MAST4: variants seen among roughly 807,000 people sequenced by gnomAD.
MAST4 encodes microtubule-associated serine/threonine-protein kinase 4.
MAST4 carries 89 observed loss-of-function variants against 162.7 expected under a neutral mutation model. The ratio of observed to expected loss-of-function variants is 0.55; its 90% confidence interval spans 0.46 to 0.65. The LOEUF (loss-of-function observed/expected upper bound fraction) is 0.65, where lower values mean the gene tolerates loss of function less well. Among genes scored for constraint, MAST4 ranks in the 30% least tolerant of loss-of-function variants. The pLI, the probability that MAST4 is intolerant of heterozygous loss-of-function variation, is 0.00. For missense variants in MAST4, 3,153 were observed against 3,374.0 expected (o/e 0.93, Z 1.62); for synonymous variants, 1,479 against 1,361.1 (o/e 1.09, Z -1.91).
At chr5:67,117,304 TC>T (rs1190860884) in intron 12 of MAST4, among the ~76,000 whole-genome samples, 1 of 152,182 alleles carries the variant, frequency 6.6e-6, no homozygotes, top group Non-Finnish European at 1.5e-5. Flanking sequence ...TGTGCTAAGC[TC>T]CTTTTTATTC....
intron 3 of MAST4, chr5:66,828,872 G>A (rs887522219): frequency 2.5e-6 from 4 of 1,604,700 alleles, no homozygotes; most frequent in African/African-American, 1.3e-5. Flanking sequence ...CTAAGACGAA[G>A]AGGGCTCCAG....
chr5:66,944,268 G>T (rs369988665), intron 4 of MAST4, among the ~76,000 whole-genome samples: 1 of 152,030 alleles, frequency 6.6e-6, no homozygotes, highest in Non-Finnish European at 1.5e-5. Flanking sequence ...ATAAACAAAC[G>T]GGTTTGTAAA....
intron 3 of MAST4, among the ~76,000 whole-genome samples, chr5:66,840,454 C>G (rs753998049): frequency 8.5e-5 from 13 of 152,114 alleles, no homozygotes; most frequent in Non-Finnish European, 1.5e-4. Flanking sequence ...GTTTAGCAAT[C>G]AAGCTAAGAG....
intron 1 of MAST4, among the ~76,000 whole-genome samples, chr5:66,752,409 G>T (rs1753238274): frequency 6.7e-6 from 1 of 148,896 alleles, no homozygotes; most frequent in African/African-American, 2.5e-5. Context: ...CATCTCATGT[G>T]CAGAGACACA....
chr5:67,155,617 T>C (rs1269752076), intron 26 of MAST4, among the ~76,000 whole-genome samples: 2 of 152,192 alleles, frequency 1.3e-5, no homozygotes, highest in Non-Finnish European at 2.9e-5. Context: ...TACCAGCCTC[T>C]GCTTCAGAAA....
intron 3 of MAST4, among the ~76,000 whole-genome samples, chr5:66,820,535 G>GA (rs1756942812): frequency 6.6e-6 from 1 of 152,044 alleles, no homozygotes; most frequent in African/African-American, 2.4e-5. Context: ...GGACATAATT[G>GA]AAAAAATATA....
intron 4 of MAST4, among the ~76,000 whole-genome samples, chr5:66,935,933 G>T (rs1204437207): frequency 6.6e-6 from 1 of 152,124 alleles, no homozygotes; most frequent in Non-Finnish European, 1.5e-5. Context: ...CTCCCAAAGT[G>T]CTGGGATTAC....
At chr5:66,967,401 A>G (rs1202944069) in intron 4 of MAST4, among the ~76,000 whole-genome samples, 2 of 152,230 alleles carry the variant, frequency 1.3e-5, no homozygotes, top group Non-Finnish European at 2.9e-5. Context: ...AGCTTCCAGG[A>G]CAGCTCAGTT....
At chr5:66,603,063 A>G (rs1742657177) in intron 1 of MAST4, among the ~76,000 whole-genome samples, 1 of 152,244 alleles carries the variant, frequency 6.6e-6, no homozygotes, top group Non-Finnish European at 1.5e-5. Flanking sequence ...TGGTACCATC[A>G]GCACCATAGG....
chr5:66,852,234 A>C (rs148218746), intron 3 of MAST4, among the ~76,000 whole-genome samples: 100 of 152,172 alleles, frequency 6.6e-4, no homozygotes, highest in Non-Finnish European at 1.1e-3. Context: ...TGCAGCCTCA[A>C]CCTCCCAGGC....
rs550607119 is a variant in MAST4, at chr5:66,977,101, T to C, written c.674+77119T>C. Among the ~76,000 whole-genome samples the C allele has an allele frequency of 1.5e-3, 232 of 152,246 alleles. 1 individual carries two copies. The highest frequency in any genetic ancestry group is 5.3e-3 in the African/African-American group (221 of 41,542). On this transcript the variant is annotated intron_variant, in intron 4 of 28. Coordinates refer to ENST00000403625, the MANE Select transcript of MAST4 (RefSeq NM_001164664.2). ...TCATGAATATGGGGATCCTTTCTAT[T>C]ATCAGACTTTCTTTTTGAGACAGAG...
rs565149593 is a variant in MAST4, at chr5:66,840,026, T to C, written c.642+51232T>C. 3.9e-5 allele frequency among the ~76,000 whole-genome samples: 6 copies of C among 152,242 alleles called. No individual in the cohort carries two copies. In the South Asian group the frequency reaches 1.2e-3, roughly 32 times the overall value. ...AATGAGAATACAAGCTTAATTTTAC[T>C]AGCTTCACTTTTTTTTTGAGCTTTG... is the stretch of plus-strand genomic sequence containing the variant. On this transcript the variant is annotated intron_variant, in intron 3 of 28. Transcript: ENST00000403625.
At chr5:66,810,924 G>A (rs1054556018) in intron 3 of MAST4, among the ~76,000 whole-genome samples, 1 of 152,222 alleles carries the variant, frequency 6.6e-6, no homozygotes, top group Non-Finnish European at 1.5e-5. Context: ...GAAAGCAGAA[G>A]TTATGATAAT....
intron 1 of MAST4, among the ~76,000 whole-genome samples, chr5:66,702,847 A>C (rs1426390030): frequency 6.6e-6 from 1 of 152,162 alleles, no homozygotes; most frequent in East Asian, 1.9e-4. Context: ...GAGTAATATA[A>C]TTCAACTTAA....
At chr5:66,779,484 G>T (rs1440946970) in intron 2 of MAST4, among the ~76,000 whole-genome samples, 2 of 149,430 alleles carry the variant, frequency 1.3e-5, no homozygotes, top group Non-Finnish European at 3.0e-5. Flanking sequence ...AGGTCTGTTG[G>T]TTTCTCAAAT....
At chr5:66,740,079 A>G (rs186086559) in intron 1 of MAST4, among the ~76,000 whole-genome samples, 2 of 152,232 alleles carry the variant, frequency 1.3e-5, no homozygotes, top group Admixed American at 1.3e-4. Flanking sequence ...GGCCTGTGGG[A>G]GGAACTGAGT....
chr5:66,658,689 C>A (rs1746707560), intron 1 of MAST4, among the ~76,000 whole-genome samples: 1 of 152,136 alleles, frequency 6.6e-6, no homozygotes, highest in African/African-American at 2.4e-5. Flanking sequence ...TGCATGCCCC[C>A]TGGGTGCCAG....
chr5:66,909,448 T>G (rs1763600005), intron 4 of MAST4, among the ~76,000 whole-genome samples: 1 of 152,130 alleles, frequency 6.6e-6, no homozygotes, highest in Non-Finnish European at 1.5e-5. Flanking sequence ...ATTATAGTGG[T>G]CTATATGGAA....
chr5:66,779,950 ATAGT>A (rs1403550063), intron 2 of MAST4, among the ~76,000 whole-genome samples: 3 of 152,178 alleles, frequency 2.0e-5, no homozygotes, highest in Non-Finnish European at 4.4e-5. Context: ...AAGTGGTGTT[ATAGT>A]TAATGTGGAT....
Sources: allele counts gnomAD v4.1 joint callset (sites outside exome capture counted in the v4.1 genomes callset), GRCh38; gene constraint gnomAD v4.1.1; transcripts MANE v1.5; gene names NCBI Gene and HGNC (gene_info 2026-07-23, HGNC 2026-07-21).